CHD5: variants seen among roughly 807,000 people sequenced by gnomAD.
CHD5 encodes the protein chromodomain helicase DNA binding protein 5, also known as ATP-dependent chromatin remodeler CHD5.
CHD5 carries 69 observed loss-of-function variants against 230.3 expected under a neutral mutation model. That is an observed-to-expected ratio of 0.30 (90% CI 0.25 to 0.37). The LOEUF (loss-of-function observed/expected upper bound fraction) is 0.37, where lower values mean the gene tolerates loss of function less well. CHD5 is among the 10% of genes least tolerant of loss of function. CHD5 has a pLI of 1.00. For missense variants in CHD5, 1,827 were observed against 2,622.8 expected (o/e 0.70, Z 6.63); for synonymous variants, 1,064 against 1,065.9 (o/e 1.00, Z 0.03).
At chr1:6,145,563 C>A (rs1666896405) in intron 11 of CHD5, among the ~76,000 whole-genome samples, 1 of 152,262 alleles carries the variant, frequency 6.6e-6, no homozygotes, top group South Asian at 2.1e-4. Context: ...GGGCCTCCTG[C>A]CTCTGGCTCT....
intron 33 of CHD5, among the ~76,000 whole-genome samples, chr1:6,119,137 G>A (rs1050047380): frequency 2.0e-5 from 3 of 151,122 alleles, no homozygotes; most frequent in African/African-American, 7.3e-5. Flanking sequence ...ACCCAAATCA[G>A]CAAAAATAAA....
rs1032264525 is a variant in CHD5 at position 6,146,983 on chromosome 1, C to T, written c.1384-112G>A. On this transcript the variant is annotated intron_variant, in intron 9 of 41. Transcript: ENST00000262450. This position sits in a 1 kb window ranked among gnomAD's most constrained non-coding sequence, Gnocchi z 5.1. ...TCCCTCCCATCAGTGCCACTGCCCC[C>T]AAGTCAGAACAGTACCACGGTGACG... The T allele has an allele frequency of 2.3e-5, 18 of 789,288 alleles. No individual in the cohort carries two copies. Among genetic ancestry groups the T allele is most frequent in the Non-Finnish European group, 3.3e-5 (17 of 509,858 alleles). The allele number at this position is 789,288 out of a possible 1,614,324, so 48.9% of individuals were successfully genotyped here.
In CHD5 at chr1:6,121,098, C is replaced by T. The variant is rs1666462713; in HGVS notation, c.4912+7G>A. On this transcript the variant is annotated splice_region_variant and intron_variant, in intron 33 of 41. Transcript: ENST00000262450. This position sits in a 1 kb window ranked among gnomAD's most constrained non-coding sequence, Gnocchi z 4.5. The stretch of plus-strand genomic sequence containing the variant: ...ACTGGGGTGGGTGGCCTGCAAGAAG[C>T]CCCAACCTCTCGGCAGCTGCTCCGG... 7 of 1,586,188 alleles carry T rather than the reference C, an allele frequency of 4.4e-6. No individual in the cohort carries two copies. The highest frequency in any genetic ancestry group is 6.0e-6 in the Non-Finnish European group (7 of 1,167,642).
intron 31 of CHD5, among the ~76,000 whole-genome samples, chr1:6,122,163 TGCA>T (rs1421161025): frequency 6.6e-6 from 1 of 152,046 alleles, no homozygotes; most frequent in African/African-American, 2.4e-5. Context: ...TGCTTGGAGG[TGCA>T]GCTTCTCAGG....
At chr1:6,152,282 T>G (rs1031929861) in intron 6 of CHD5, 130 bp downstream of exon 6, 2 of 964,888 alleles carry the variant, frequency 2.1e-6, no homozygotes, top group Admixed American at 2.2e-5. Context: ...GGAAGGAGAA[T>G]AGTGGAGGGG....
intron 38 of CHD5, 72 bp from the exon 39 acceptor site, chr1:6,106,851 G>A: frequency 5.0e-6 from 5 of 1,008,532 alleles, no homozygotes; most frequent in Non-Finnish European, 6.9e-6. Context: ...TGGAAGGATG[G>A]AGGGATGGAG....
chr1:6,146,450 A>G lies in CHD5; in HGVS notation c.1591-27T>C, dbSNP rs1016404740. The G allele has an allele frequency of 1.9e-6, 3 of 1,603,414 alleles. No individual in the cohort carries two copies. The highest frequency in any genetic ancestry group is 2.7e-5 in the African/African-American group (2 of 74,782). On this transcript the variant is annotated intron_variant, in intron 10 of 41. Coordinates refer to ENST00000262450, the MANE Select transcript of CHD5 (RefSeq NM_015557.3). The surrounding 1 kb of genome is among the most constrained non-coding windows in gnomAD (Gnocchi z 5.1). The stretch of plus-strand genomic sequence containing the variant: ...TGCTCATGGAGCGGCACAAAGTCAC[A>G]GAAGGGAGATGGGCCATGGTCCCCT...
chr1:6,141,598 C>T (rs1666828859), intron 15 of CHD5, among the ~76,000 whole-genome samples: 1 of 152,000 alleles, frequency 6.6e-6, no homozygotes, highest in African/African-American at 2.4e-5. Context: ...CTGGGCGATA[C>T]AGTGTCTCAA....
In CHD5 at chr1:6,167,364, C is replaced by A. The variant is rs1168943433; in HGVS notation, c.207+786G>T. On this transcript the variant is annotated intron_variant, in intron 2 of 41. Transcript: ENST00000262450. The surrounding 1 kb of genome is among the most constrained non-coding windows in gnomAD (Gnocchi z 4.5). Reference sequence around the variant, plus strand: ...GTGAGGTGCTTGCCATTGCTCTCAACATAGGGTCGCTTGGAGGATCAGAGG... The same window carrying A: ...GTGAGGTGCTTGCCATTGCTCTCAAAATAGGGTCGCTTGGAGGATCAGAGG... 6.6e-6 allele frequency among the ~76,000 whole-genome samples: 1 copy of A among 152,200 alleles called. No individual in the cohort carries two copies. Among genetic ancestry groups the A allele is most frequent in the Non-Finnish European group, 1.5e-5 (1 of 68,026 alleles).
At chr1:6,173,306 A>G (rs112414373) in intron 1 of CHD5, among the ~76,000 whole-genome samples, 38,915 of 151,370 alleles carry the variant, frequency 0.26, 8,774 homozygotes, top group African/African-American at 0.61. Context: ...GGGTTTCACC[A>G]TGTTAGCCAG....
At chr1:6,150,144 G>A (rs1666979599) in intron 7 of CHD5, among the ~76,000 whole-genome samples, 1 of 149,338 alleles carries the variant, frequency 6.7e-6, no homozygotes, top group Non-Finnish European at 1.5e-5. Flanking sequence ...GGATGGATGG[G>A]TGGACAAATG....
Position 6,110,482 on chromosome 1 carries a change from T to C in CHD5, c.5294A>G (p.Tyr1765Cys). The C allele has an allele frequency of 3.7e-6, 6 of 1,614,026 alleles. No homozygotes were observed. Among genetic ancestry groups the C allele is most frequent in the Non-Finnish European group, 5.1e-6 (6 of 1,180,024 alleles). ...RWQDIQNDPR[Y>C]MILNEPFKSE... ...CTTGAAGGGCTCGTTGAGGATCATG[T>C]ACCGTGGGTCATTCTGGATGTCCTG... The change falls in exon 37 of 42, where the codon TAC becomes TGC. Residue 1765 changes from tyrosine to cysteine, a missense_variant. Tyr to Cys is a radical substitution (Grantham distance 194). Around this residue, in one of 14 missense-constraint regions of CHD5, gnomAD observed 208 missense variants for 302.0 expected, o/e 0.69. Coordinates refer to ENST00000262450, the MANE Select transcript of CHD5 (RefSeq NM_015557.3).
chr1:6,169,745 A>AGAGAG (rs1667307737), intron 1 of CHD5, among the ~76,000 whole-genome samples: 1 of 152,164 alleles, frequency 6.6e-6, no homozygotes, highest in South Asian at 2.1e-4. Context: ...AGGGCCCACG[A>AGAGAG]GAGAGCCGGC....
Position 6,125,954 on chromosome 1 carries a change from C to A in CHD5, c.4079-96G>T. 1.2e-6 allele frequency: 1 copy of A among 835,740 alleles called. No homozygotes were observed. The highest frequency in any genetic ancestry group is 2.0e-5 in the Admixed American group (1 of 49,348). The allele number at this position is 835,740 out of a possible 1,614,324, so 51.8% of individuals were successfully genotyped here. A position where few individuals can be genotyped will look rare whatever the true frequency, so the allele number is the denominator to read the frequency against. On this transcript the variant is annotated intron_variant, in intron 26 of 41. Coordinates refer to ENST00000262450, the MANE Select transcript of CHD5 (RefSeq NM_015557.3). The surrounding 1 kb of genome is among the most constrained non-coding windows in gnomAD (Gnocchi z 6.7). The stretch of plus-strand genomic sequence containing the variant: ...CCCAGGGCCACGCCGAGCCCCTGCA[C>A]CCCAGCTCCATAAAAAAGCAGTGAC...
rs1448723300 is a variant in CHD5, at chr1:6,154,801, T to C, written c.604A>G (p.Lys202Glu). The C allele has an allele frequency of 6.2e-7, 1 of 1,613,760 alleles. No individual in the cohort carries two copies. The highest frequency in any genetic ancestry group is 8.5e-7 in the Non-Finnish European group (1 of 1,179,960). ...GCCGCTGCTGCCGCGGAGCTGCCCT[T>C]GAAGGGGTTGTTGGCGCTGAACTCC... ...WREFSANNPFKGSSAAAAAAA... is the reference protein window; with the variant it reads ...WREFSANNPFEGSSAAAAAAA... Residue 202 changes from lysine (K) to glutamate (E), a missense_variant, in exon 5 of 42, where the codon AAG becomes GAG. Physicochemically the swap from Lys to Glu is moderately conservative, Grantham distance 56. This residue lies in a region of CHD5 where 657 missense variants were observed against 816.4 expected (regional missense o/e 0.80). Transcript: ENST00000262450. This position sits in a 1 kb window ranked among gnomAD's most constrained non-coding sequence, Gnocchi z 7.0.
intron 13 of CHD5, 99 bp downstream of exon 13, chr1:6,143,724 G>C (rs1666866663): frequency 9.0e-7 from 1 of 1,115,816 alleles, no homozygotes; most frequent in Non-Finnish European, 1.3e-6. Flanking sequence ...AGGGCCCAAG[G>C]AAACATCCTT....
rs750709293 is a variant in CHD5, at chr1:6,146,452, A to C, written c.1591-29T>G. 7.5e-6 allele frequency: 12 copies of C among 1,600,104 alleles called. No individual in the cohort carries two copies. The South Asian group carries it at 1.2e-4, about 16-fold the overall frequency. On this transcript the variant is annotated intron_variant, in intron 10 of 41. Coordinates refer to ENST00000262450, the MANE Select transcript of CHD5 (RefSeq NM_015557.3). The surrounding 1 kb of genome is among the most constrained non-coding windows in gnomAD (Gnocchi z 5.1). The stretch of plus-strand genomic sequence containing the variant: ...CTCATGGAGCGGCACAAAGTCACAG[A>C]AGGGAGATGGGCCATGGTCCCCTGC...
chr1:6,153,035 G>A (rs1430593029), intron 5 of CHD5, among the ~76,000 whole-genome samples: 1 of 152,238 alleles, frequency 6.6e-6, no homozygotes, highest in East Asian at 1.9e-4. Flanking sequence ...CAGCAGGGCT[G>A]AGGCTGTTTT....
At chr1:6,151,378 A>T (rs1667005731) in intron 6 of CHD5, among the ~76,000 whole-genome samples, 1 of 152,098 alleles carries the variant, frequency 6.6e-6, no homozygotes. Flanking sequence ...AGCCTCAGAC[A>T]CTTCCCACAA....
Sources: allele counts gnomAD v4.1 joint callset (sites outside exome capture counted in the v4.1 genomes callset), GRCh38; gene constraint gnomAD v4.1.1; regional missense constraint gnomAD v4.1.1; non-coding constraint Gnocchi (gnomAD v3.1); transcripts MANE v1.5; gene names NCBI Gene and HGNC (gene_info 2026-07-23, HGNC 2026-07-21).